Variants in FOXN3 observed in about 807,000 individuals in gnomAD.
FOXN3 encodes forkhead box protein N3.
In FOXN3, 7 loss-of-function variants were observed where a neutral mutation model predicts 38.4. The ratio of observed to expected loss-of-function variants is 0.18; its 90% CI spans 0.10 to 0.34. FOXN3 has a LOEUF of 0.34. FOXN3 is among the 10% of genes least tolerant of loss of function. The pLI is 1.00. For synonymous variants in FOXN3, 230 were observed against 242.2 expected (o/e 0.95, Z 0.47); for missense variants, 456 against 613.4 (o/e 0.74, Z 2.71).
At chr14:89,366,366 G>A (rs1890152282) in intron 2 of FOXN3, among the ~76,000 whole-genome samples, 1 of 152,130 alleles carries the variant, frequency 6.6e-6, no homozygotes, top group African/African-American at 2.4e-5. Context: ...TGTCTGGAAC[G>A]TGGGCATGTT....
At chr14:89,280,506 C>T (rs1327610688) in intron 4 of FOXN3, among the ~76,000 whole-genome samples, 1 of 152,132 alleles carries the variant, frequency 6.6e-6, no homozygotes, top group Non-Finnish European at 1.5e-5. Context: ...TGTTGGGCAA[C>T]AGTAAGAAAT....
upstream of FOXN3, among the ~76,000 whole-genome samples, chr14:89,421,528 A>AAAT (rs56659540): frequency 6.9e-6 from 1 of 144,750 alleles, no homozygotes; most frequent in Non-Finnish European, 1.5e-5. Context: ...ACCCAGGGAA[A>AAAT]TTTTTTTTTT....
intron 1 of FOXN3, among the ~76,000 whole-genome samples, chr14:89,476,170 TAG>T (rs1006996015): frequency 1.3e-5 from 2 of 152,216 alleles, no homozygotes; most frequent in Admixed American, 6.5e-5. Context: ...CTTTTTGTAC[TAG>T]AGTCCTAGTG....
Position 89,412,034 on chromosome 14 carries a change from A to G in FOXN3, c.443T>C (p.Phe148Ser). 6.2e-7 allele frequency: 1 copy of G among 1,613,226 alleles called. No homozygotes were observed. Among genetic ancestry groups the G allele is most frequent in the Non-Finnish European group, 8.5e-7 (1 of 1,179,612 alleles). ...AGTAGGTGCATTTGCAAAATACGGA[A>G]AATGTTCCAAGATCCAGTTGTAGAT... Reference protein sequence around the residue: ...KDIYNWILEHFPYFANAPTGW... With the variant: ...KDIYNWILEHSPYFANAPTGW... Residue 148 changes from phenylalanine (F) to serine (S), a missense_variant, in exon 2 of 6, where the codon TTT becomes TCT. By Grantham distance (155) the Phe-to-Ser change is radical. Around this residue, in one of 3 missense-constraint regions of FOXN3, gnomAD observed 386 missense variants for 505.2 expected, o/e 0.76. Transcript: ENST00000557258. The surrounding 1 kb of genome is among the most constrained non-coding windows in gnomAD (Gnocchi z 4.7).
chr14:89,354,854 C>CAA (rs1275939225), intron 2 of FOXN3, among the ~76,000 whole-genome samples: 6 of 148,986 alleles, frequency 4.0e-5, no homozygotes, highest in Non-Finnish European at 7.6e-5. Flanking sequence ...GACTCCGTCT[C>CAA]AAAAAATAAA....
At chr14:89,354,543 TAAAAAAAAA>T (rs760406905) in intron 2 of FOXN3, among the ~76,000 whole-genome samples, 1 of 121,590 alleles carries the variant, frequency 8.2e-6, no homozygotes, top group African/African-American at 3.1e-5. Context: ...TGCTTTTTAT[TAAAAAAAAA>T]AAAAAAAAAG....
chr14:89,582,953 G>C (rs1220534092), intron 1 of FOXN3, among the ~76,000 whole-genome samples: 1 of 152,038 alleles, frequency 6.6e-6, no homozygotes. Flanking sequence ...TGTATCAATA[G>C]TTTATTTTTA....
At chr14:89,611,806 A>AG in intron 1 of FOXN3, among the ~76,000 whole-genome samples, 1 of 47,396 alleles carries the variant, frequency 2.1e-5, no homozygotes, top group Non-Finnish European at 4.7e-5. Flanking sequence ...ACTCCGTCTC[A>AG]AAAAAAAAAA....
At chr14:89,305,336 G>A (rs139670454) in intron 3 of FOXN3, among the ~76,000 whole-genome samples, 1 of 152,342 alleles carries the variant, frequency 6.6e-6, no homozygotes, top group Admixed American at 6.5e-5. Flanking sequence ...AAGAGCCCTT[G>A]AGAAAAGGAC....
intron 1 of FOXN3, among the ~76,000 whole-genome samples, chr14:89,552,347 G>C (rs1340056821): frequency 6.6e-6 from 1 of 152,188 alleles, no homozygotes; most frequent in East Asian, 1.9e-4. Context: ...ATGTGTCACC[G>C]TCACGTGTAT....
chr14:89,450,221 ATGT>A (rs1341039581), intron 1 of FOXN3, among the ~76,000 whole-genome samples: 2 of 152,144 alleles, frequency 1.3e-5, no homozygotes, highest in African/African-American at 2.4e-5. Flanking sequence ...GCCTTCCCCA[ATGT>A]TGTTGTACCT....
At chr14:89,428,749 C>T (rs1333371955) in intron 1 of FOXN3, among the ~76,000 whole-genome samples, 2 of 152,238 alleles carry the variant, frequency 1.3e-5, no homozygotes, top group African/African-American at 2.4e-5. Context: ...AGAGAGACCT[C>T]AGCGCAGGGG....
chr14:89,215,746 C>CAGTCAGGA (rs1884258549), intron 4 of FOXN3, among the ~76,000 whole-genome samples: 1 of 152,186 alleles, frequency 6.6e-6, no homozygotes, highest in South Asian at 2.1e-4. Flanking sequence ...TGCAGTGTGG[C>CAGTCAGGA]AGTCAGGAGA....
intron 3 of FOXN3, among the ~76,000 whole-genome samples, chr14:89,307,715 T>A (rs763383227): frequency 1.4e-5 from 2 of 146,872 alleles, no homozygotes; most frequent in Non-Finnish European, 2.9e-5. Flanking sequence ...CAACCCATAG[T>A]TTTTGCATAA....
At chr14:89,257,892 T>C (rs1230174062) in intron 4 of FOXN3, among the ~76,000 whole-genome samples, 1 of 152,228 alleles carries the variant, frequency 6.6e-6, no homozygotes, top group Non-Finnish European at 1.5e-5. Flanking sequence ...TGGGTGCCTG[T>C]GAGCACTCTC....
intron 3 of FOXN3, chr14:89,350,378 C>T (rs1888920347): frequency 1.7e-5 from 4 of 235,548 alleles, no homozygotes; most frequent in Middle Eastern, 2.6e-3. Context: ...AAACATGACA[C>T]ACACCGAGAT....
chr14:89,560,319 A>G (rs10141553), intron 1 of FOXN3, among the ~76,000 whole-genome samples: 19,717 of 152,164 alleles, frequency 0.13, 3,180 homozygotes, highest in African/African-American at 0.37. Flanking sequence ...GAGAAAAACC[A>G]TATCATGAAC....
chr14:89,516,750 A>C (rs1894212962), intron 1 of FOXN3, among the ~76,000 whole-genome samples: 2 of 151,904 alleles, frequency 1.3e-5, no homozygotes, highest in Admixed American at 1.3e-4. Flanking sequence ...TGTTGTAGTA[A>C]CAGGGTTTTG....
At chr14:89,456,903 G>T (rs1255491736) in intron 1 of FOXN3, among the ~76,000 whole-genome samples, 1 of 152,160 alleles carries the variant, frequency 6.6e-6, no homozygotes, top group African/African-American at 2.4e-5. Flanking sequence ...TGTCTGTGAA[G>T]GGGAATAAAA....
Sources: allele counts gnomAD v4.1 joint callset (sites outside exome capture counted in the v4.1 genomes callset), GRCh38; gene constraint gnomAD v4.1.1; regional missense constraint gnomAD v4.1.1; non-coding constraint Gnocchi (gnomAD v3.1); transcripts MANE v1.5; gene names NCBI Gene and HGNC (gene_info 2026-07-23, HGNC 2026-07-21).